PRELID2: variants seen among roughly 807,000 people sequenced by gnomAD.
PRELID2 encodes PRELI domain containing 2, also known as PRELI domain-containing protein 2.
Under a neutral mutation model 28.4 loss-of-function variants are expected in PRELID2, and 25 were observed. That is an observed-to-expected ratio of 0.88 (90% CI 0.64 to 1.23). The LOEUF (loss-of-function observed/expected upper bound fraction) is 1.23. Among genes scored for constraint, PRELID2 ranks in the 50% most tolerant of loss-of-function variants. PRELID2 has a pLI of 0.00. For synonymous variants in PRELID2, 76 were observed against 71.6 expected (o/e 1.06, Z -0.31); for missense variants, 201 against 214.4 (o/e 0.94, Z 0.39).
chr5:145,676,240 A>T (rs113847378), intron 1 of PRELID2, among the ~76,000 whole-genome samples: 19,031 of 147,798 alleles, frequency 0.13, 1,956 homozygotes, highest in African/African-American at 0.27. Context: ...AAAAAAAAAA[A>T]AATAATGTGT....
the PRELID2 span, among the ~76,000 whole-genome samples, chr5:145,423,489 T>A: frequency 6.6e-6 from 1 of 152,022 alleles, no homozygotes; most frequent in African/African-American, 2.4e-5. Context: ...ATTCATTTCA[T>A]CTTCCATCAC....
chr5:145,608,965 T>C (rs1753568082), intron 1 of PRELID2, among the ~76,000 whole-genome samples: 1 of 152,202 alleles, frequency 6.6e-6, no homozygotes, highest in Non-Finnish European at 1.5e-5. Flanking sequence ...CTTCTTTAAT[T>C]TTTTCTCTTT....
chr5:145,833,052 G>C (rs1481839647), intron 1 of PRELID2, among the ~76,000 whole-genome samples: 2 of 152,116 alleles, frequency 1.3e-5, no homozygotes, highest in African/African-American at 4.8e-5. Flanking sequence ...TGAGAACAGG[G>C]TCTGCGGTGA....
At chr5:145,287,843 C>G in the PRELID2 span, among the ~76,000 whole-genome samples, 1 of 152,118 alleles carries the variant, frequency 6.6e-6, no homozygotes, top group Non-Finnish European at 1.5e-5. Flanking sequence ...GTCATAATGT[C>G]TCCTTAGCTG....
the PRELID2 span, among the ~76,000 whole-genome samples, chr5:145,369,433 C>T: frequency 3.3e-5 from 5 of 151,996 alleles, no homozygotes. Flanking sequence ...CATCCATGTT[C>T]CTGCAAAGGA....
chr5:145,686,575 T>A (rs181031043), intron 1 of PRELID2, among the ~76,000 whole-genome samples: 4 of 152,130 alleles, frequency 2.6e-5, no homozygotes, highest in Admixed American at 6.6e-5. Context: ...AGAGTCCATT[T>A]AGGGTTAGTT....
At chr5:145,769,973 T>C (rs1473505013) in intron 5 of PRELID2, among the ~76,000 whole-genome samples, 1 of 152,224 alleles carries the variant, frequency 6.6e-6, no homozygotes, top group African/African-American at 2.4e-5. Flanking sequence ...ATATATATGA[T>C]GGTGGTCCCA....
intron 5 of PRELID2, among the ~76,000 whole-genome samples, chr5:145,771,454 T>TG (rs1758100575): frequency 1.3e-5 from 2 of 151,934 alleles, no homozygotes; most frequent in African/African-American, 4.8e-5. Context: ...AGGAAGGACT[T>TG]GCAGAAGCCA....
At chr5:145,612,621 T>C (rs968718439) in intron 1 of PRELID2, among the ~76,000 whole-genome samples, 7 of 151,952 alleles carry the variant, frequency 4.6e-5, no homozygotes, top group African/African-American at 1.7e-4. Context: ...CTTCCACCCT[T>C]CCCCCCAAGC....
At chr5:145,354,562 T>A in the PRELID2 span, among the ~76,000 whole-genome samples, 1 of 152,152 alleles carries the variant, frequency 6.6e-6, no homozygotes, top group Admixed American at 6.5e-5. Flanking sequence ...AGATAACCAC[T>A]GCAAATTTCC....
the PRELID2 span, among the ~76,000 whole-genome samples, chr5:145,423,456 G>A: frequency 6.6e-6 from 1 of 151,856 alleles, no homozygotes; most frequent in East Asian, 1.9e-4. Context: ...TTTTTCTCTG[G>A]ACTTCCCTTC....
At chr5:145,230,954 A>C in the PRELID2 span, among the ~76,000 whole-genome samples, 7 of 152,204 alleles carry the variant, frequency 4.6e-5, no homozygotes, top group Non-Finnish European at 8.8e-5. Flanking sequence ...CTTTCTGGAG[A>C]GAGATAACAA....
chr5:145,431,249 T>C, the PRELID2 span, among the ~76,000 whole-genome samples: 1 of 152,022 alleles, frequency 6.6e-6, no homozygotes, highest in African/African-American at 2.4e-5. Flanking sequence ...TTGTGAACAG[T>C]TTTTAAGTAG....
chr5:145,392,253 G>A, the PRELID2 span, among the ~76,000 whole-genome samples: 4 of 151,482 alleles, frequency 2.6e-5, no homozygotes, highest in African/African-American at 7.3e-5. Flanking sequence ...GGAGGCCTCA[G>A]GAAACTTACA....
chr5:145,481,102 T>C (rs1323135157), intron 1 of PRELID2, among the ~76,000 whole-genome samples: 1 of 152,160 alleles, frequency 6.6e-6, no homozygotes, highest in African/African-American at 2.4e-5. Flanking sequence ...AGAGGTTTCA[T>C]ATAATTATCG....
At chr5:145,446,632 A>G in the PRELID2 span, among the ~76,000 whole-genome samples, 2 of 152,176 alleles carry the variant, frequency 1.3e-5, no homozygotes, top group Admixed American at 1.3e-4. Context: ...TCGGACATAG[A>G]CCAACAGGGA....
chr5:145,456,219 A>G, the PRELID2 span, among the ~76,000 whole-genome samples: 112 of 152,280 alleles, frequency 7.4e-4, no homozygotes, highest in African/African-American at 2.5e-3. Flanking sequence ...TTGTTTTTCT[A>G]ACAAGACTTT....
At chr5:145,602,878 C>G (rs1346194368) in intron 1 of PRELID2, among the ~76,000 whole-genome samples, 1 of 151,942 alleles carries the variant, frequency 6.6e-6, no homozygotes, top group Non-Finnish European at 1.5e-5. Flanking sequence ...AAGGTGAAAC[C>G]CCGTCTCTAC....
chr5:145,303,151 T>A, the PRELID2 span, among the ~76,000 whole-genome samples: 1 of 152,156 alleles, frequency 6.6e-6, no homozygotes, highest in African/African-American at 2.4e-5. Flanking sequence ...TATAATGTCA[T>A]CAGAATTAAA....
Sources: gnomAD v4.1 joint callset for allele counts (sites outside exome capture counted in the v4.1 genomes callset) on GRCh38, gnomAD v4.1.1 for gene constraint, MANE v1.5 for transcripts, NCBI Gene and HGNC (gene_info 2026-07-23, HGNC 2026-07-21) for gene names.